DPP10: variants seen among roughly 807,000 people sequenced by gnomAD.
DPP10 encodes inactive dipeptidyl peptidase 10.
In DPP10, 33 loss-of-function variants were observed where a neutral mutation model predicts 120.9. The observed-to-expected ratio is 0.27, with a 90% CI of 0.21 to 0.37. The LOEUF (loss-of-function observed/expected upper bound fraction) is 0.37. Among genes scored for constraint, DPP10 ranks in the 10% least tolerant of loss-of-function variants. The probability of loss-of-function intolerance (pLI) is 1.00; values close to 1 mark genes in which losing one functional copy is unlikely to be tolerated. For synonymous variants in DPP10, 337 were observed against 326.1 expected (o/e 1.03, Z -0.36); for missense variants, 816 against 942.8 (o/e 0.87, Z 1.76).
rs1690228091 is a variant in DPP10 at position 115,842,257 on chromosome 2, A to G, written c.2303A>G (p.His768Arg). The change falls in exon 26 of 26, where the codon CAT becomes CGT. Residue 768 changes from histidine (H) to arginine (R), a missense_variant. His to Arg is a conservative substitution (Grantham distance 29). This residue lies in a region of DPP10 where 592 missense variants were observed against 649.0 expected (regional missense o/e 0.91). Coordinates refer to ENST00000410059, the MANE Select transcript of DPP10 (RefSeq NM_020868.6). ...AACGTATCTGAGAAGAGCAAGTATC[A>G]TCTCTACAGCACAATCCTCAAATTC... ...GHNVSEKSKY[H>R]LYSTILKFFS... 2 of 1,613,898 alleles carry G rather than the reference A, an allele frequency of 1.2e-6. No individual in the cohort carries two copies. The highest frequency in any genetic ancestry group is 1.7e-5 in the Admixed American group (1 of 60,024).
intron 4 of DPP10, among the ~76,000 whole-genome samples, chr2:115,512,526 T>C (rs2077288639): frequency 6.6e-6 from 1 of 152,044 alleles, no homozygotes; most frequent in East Asian, 1.9e-4. Flanking sequence ...TATAGATTTT[T>C]ACAGCTAATA....
intron 4 of DPP10, among the ~76,000 whole-genome samples, chr2:115,504,520 G>C (rs1458339562): frequency 6.6e-6 from 1 of 151,680 alleles, no homozygotes; most frequent in African/African-American, 2.4e-5. Flanking sequence ...AAAATATTTA[G>C]ATACTTATTA....
At chr2:115,210,241 G>A (rs947721325) in intron 1 of DPP10, among the ~76,000 whole-genome samples, 31 of 151,952 alleles carry the variant, frequency 2.0e-4, no homozygotes, top group Admixed American at 2.0e-4. Flanking sequence ...TCATTGTTCA[G>A]TTCTCACCTA....
At chr2:114,926,244 C>T (rs1217564251) in intron 1 of DPP10, among the ~76,000 whole-genome samples, 1 of 152,164 alleles carries the variant, frequency 6.6e-6, no homozygotes, top group Admixed American at 6.5e-5. Context: ...AACTTCTTCA[C>T]TTGGTGTTAT....
At chr2:115,371,751 A>G (rs957705722) in intron 3 of DPP10, among the ~76,000 whole-genome samples, 2 of 152,164 alleles carry the variant, frequency 1.3e-5, no homozygotes, top group African/African-American at 2.4e-5. Flanking sequence ...TTTGAAAAAC[A>G]GTATATATTT....
intron 1 of DPP10, among the ~76,000 whole-genome samples, chr2:114,693,811 G>A (rs115862419): frequency 0.033 from 4,981 of 151,712 alleles, 124 homozygotes; most frequent in Middle Eastern, 0.065. Context: ...TTTTCTGCCT[G>A]TCTTATTTCA....
At chr2:115,834,154 C>G (rs1312039576) in intron 21 of DPP10, among the ~76,000 whole-genome samples, 4 of 152,128 alleles carry the variant, frequency 2.6e-5, no homozygotes, top group Admixed American at 2.6e-4. Flanking sequence ...AGTACCAGAA[C>G]AATATATGCT....
At chr2:114,454,965 C>A (rs1251012503) in intron 1 of DPP10, among the ~76,000 whole-genome samples, 1 of 152,090 alleles carries the variant, frequency 6.6e-6, no homozygotes, top group Non-Finnish European at 1.5e-5. Context: ...AAAGAACTTG[C>A]TAAATAAATG....
chr2:115,015,542 G>C (rs1420410144), intron 1 of DPP10, among the ~76,000 whole-genome samples: 1 of 152,148 alleles, frequency 6.6e-6, no homozygotes, highest in Non-Finnish European at 1.5e-5. Flanking sequence ...ATTCAAATAG[G>C]AAGAGAGGAG....
chr2:115,617,257 GTATATATATATTTTTTA>G (rs1433254752), intron 5 of DPP10, among the ~76,000 whole-genome samples: 3 of 55,186 alleles, frequency 5.4e-5, no homozygotes, highest in South Asian at 1.5e-3. Flanking sequence ...GTATGTATGG[GTATATATATATTTTTTA>G]TATATATATA....
At chr2:114,476,578 A>G (rs1165324093) in intron 1 of DPP10, among the ~76,000 whole-genome samples, 1 of 152,242 alleles carries the variant, frequency 6.6e-6, no homozygotes, top group East Asian at 1.9e-4. Flanking sequence ...CTAGTAAAAC[A>G]CACTATAAAA....
At position 114,915,088 on chromosome 2, in the gene DPP10, G is replaced by A. The variant is rs541590185; in HGVS notation, c.61-394151G>A. 2.3e-4 allele frequency among the ~76,000 whole-genome samples: 35 copies of A among 151,680 alleles called. 1 individual carries two copies. The South Asian group carries it at 5.6e-3, about 24-fold the overall frequency. ...GGAGCTTGCAGTGAGCCGAGATCCC[G>A]CCACTGCACCCCAGCCTGGGCGACA... On this transcript the variant is annotated intron_variant, in intron 1 of 25. Coordinates refer to ENST00000410059, the MANE Select transcript of DPP10 (RefSeq NM_020868.6).
intron 3 of DPP10, among the ~76,000 whole-genome samples, chr2:115,385,460 A>C (rs1288151125): frequency 6.6e-6 from 1 of 151,640 alleles, no homozygotes; most frequent in Non-Finnish European, 1.5e-5. Flanking sequence ...GGTTCAAACA[A>C]TTCTCCTGCC....
At chr2:115,218,130 A>G (rs375599961) in intron 1 of DPP10, among the ~76,000 whole-genome samples, 4 of 152,324 alleles carry the variant, frequency 2.6e-5, no homozygotes, top group East Asian at 1.9e-4. Flanking sequence ...TGAATATTGT[A>G]TATAGACTGT....
intron 5 of DPP10, among the ~76,000 whole-genome samples, chr2:115,641,976 G>A (rs1330356205): frequency 6.6e-6 from 1 of 152,116 alleles, no homozygotes; most frequent in South Asian, 2.1e-4. Context: ...AATTTAAAGC[G>A]ATTATTAAGG....
intron 5 of DPP10, among the ~76,000 whole-genome samples, chr2:115,660,896 A>G (rs979828892): frequency 6.6e-6 from 1 of 152,058 alleles, no homozygotes; most frequent in African/African-American, 2.4e-5. Flanking sequence ...TTAGTGTGTC[A>G]TCATGAGAAA....
chr2:115,325,095 A>G (rs2062281979), intron 2 of DPP10, among the ~76,000 whole-genome samples: 1 of 152,148 alleles, frequency 6.6e-6, no homozygotes, highest in Admixed American at 6.6e-5. Flanking sequence ...AGTATGAAAA[A>G]TTGTGAGAAT....
At chr2:114,966,050 A>C (rs1248309358) in intron 1 of DPP10, among the ~76,000 whole-genome samples, 1 of 152,076 alleles carries the variant, frequency 6.6e-6, no homozygotes, top group Non-Finnish European at 1.5e-5. Context: ...GGGACAATCA[A>C]ATAATTAGGA....
At chr2:115,803,971 T>C (rs1175697650) in intron 19 of DPP10, among the ~76,000 whole-genome samples, 1 of 152,196 alleles carries the variant, frequency 6.6e-6, no homozygotes, top group South Asian at 2.1e-4. Context: ...AATCTGAATA[T>C]TGGCCTTCCT....
Sources: allele counts gnomAD v4.1 joint callset (sites outside exome capture counted in the v4.1 genomes callset), GRCh38; gene constraint gnomAD v4.1.1; regional missense constraint gnomAD v4.1.1; transcripts MANE v1.5; gene names NCBI Gene and HGNC (gene_info 2026-07-23, HGNC 2026-07-21).